The following CRB1 variants were observed in gnomAD, a reference collection of about 807,000 sequenced individuals.
CRB1 encodes the protein crumbs cell polarity complex component 1, also known as protein crumbs homolog 1.
A neutral mutation model predicts 120.0 loss-of-function variants in CRB1; 83 were observed. The ratio of observed to expected loss-of-function variants is 0.69; its 90% CI spans 0.58 to 0.83. The LOEUF is 0.83. Ranked by LOEUF, CRB1 falls within the 40% of genes least tolerant of loss-of-function variation. CRB1 has a pLI of 0.00. For synonymous variants in CRB1, 625 were observed against 612.5 expected (o/e 1.02, Z -0.30); for missense variants, 1,699 against 1,687.6 (o/e 1.01, Z -0.12).
At chr1:197,232,129 T>A in the CRB1 span, among the ~76,000 whole-genome samples, 2 of 152,140 alleles carry the variant, frequency 1.3e-5, no homozygotes, top group Non-Finnish European at 2.9e-5. Context: ...AACTAAGGAA[T>A]GCAGGCAGCC....
At chr1:197,277,647 A>C (rs1655287964) in intron 1 of CRB1, among the ~76,000 whole-genome samples, 1 of 151,982 alleles carries the variant, frequency 6.6e-6, no homozygotes, top group Admixed American at 6.6e-5. Context: ...AATTTTCATT[A>C]TCTATTCTTT....
chr1:197,385,723 C>T (rs1662180152), intron 5 of CRB1, among the ~76,000 whole-genome samples: 1 of 151,976 alleles, frequency 6.6e-6, no homozygotes, highest in African/African-American at 2.4e-5. Context: ...TACTCAGAGG[C>T]ATTGGCAGGT....
At chr1:197,390,114 G>T (rs773359573) in intron 5 of CRB1, among the ~76,000 whole-genome samples, 6 of 127,754 alleles carry the variant, frequency 4.7e-5, no homozygotes, top group Admixed American at 9.7e-5. Flanking sequence ...CTTTAAAAGA[G>T]ATAATGTTAG....
chr1:197,391,134 A>G (rs1662485757), intron 5 of CRB1, among the ~76,000 whole-genome samples: 1 of 152,150 alleles, frequency 6.6e-6, no homozygotes, highest in South Asian at 2.1e-4. Context: ...CTTTTATGGC[A>G]TATTAGAAGC....
At chr1:197,382,141 G>A (rs1661989086) in intron 5 of CRB1, among the ~76,000 whole-genome samples, 1 of 152,090 alleles carries the variant, frequency 6.6e-6, no homozygotes, top group Non-Finnish European at 1.5e-5. Context: ...ATTATCTGTG[G>A]CCCTATATTT....
chr1:197,428,033 C>T (rs754455727), intron 7 of CRB1, 32 bp downstream of exon 7: 2 of 1,579,768 alleles, frequency 1.3e-6, no homozygotes, highest in Admixed American at 3.3e-5. Flanking sequence ...TAGGTATATA[C>T]TGTATGCTAA....
At chr1:197,275,184 C>A (rs1655133526) in intron 1 of CRB1, among the ~76,000 whole-genome samples, 1 of 152,014 alleles carries the variant, frequency 6.6e-6, no homozygotes, top group African/African-American at 2.4e-5. Flanking sequence ...AGTAGATTCA[C>A]CCTAATGACC....
At chr1:197,391,629 C>T (rs962242778) in intron 5 of CRB1, among the ~76,000 whole-genome samples, 5 of 151,992 alleles carry the variant, frequency 3.3e-5, no homozygotes, top group African/African-American at 1.2e-4. Flanking sequence ...ATAGTTGCAT[C>T]CTGGAACTTT....
Position 197,477,705 on chromosome 1 carries a change from C to A in CRB1, c.4047C>A (p.Gly1349=), listed in dbSNP as rs1339702153. The A allele has an allele frequency of 1.2e-6, 2 of 1,613,766 alleles. No homozygotes were observed. Among genetic ancestry groups the A allele is most frequent in the Admixed American group, 3.3e-5 (2 of 59,968 alleles). ...TCTCCGACATTTTCACCACTATTGG[C>A]TCAGTGACTGTCGCCTTGTTACTGA... ...DLISDIFTTI[G]SVTVALLLIL... Residue 1349 remains glycine, a synonymous_variant, in exon 12 of 12, where the codon GGC becomes GGA. Coordinates refer to ENST00000367400, the MANE Select transcript of CRB1 (RefSeq NM_201253.3).
intron 11 of CRB1, among the ~76,000 whole-genome samples, chr1:197,448,897 G>T (rs2125525611): frequency 6.6e-6 from 1 of 152,312 alleles, no homozygotes; most frequent in Middle Eastern, 3.4e-3. Flanking sequence ...GTCTGTAAAA[G>T]AATGATCACT....
chr1:197,323,556 A>G (rs1658323726), intron 1 of CRB1, among the ~76,000 whole-genome samples: 1 of 152,194 alleles, frequency 6.6e-6, no homozygotes, highest in Non-Finnish European at 1.5e-5. Flanking sequence ...TGATTATAAT[A>G]AGGTCAGTGA....
chr1:197,402,569 C>G lies in CRB1; in HGVS notation c.1172-18431C>G, dbSNP rs556055555. ...GTCTTATTCAACAAGAAAAATAGGT[C>G]AGCTGTCTTTTATTGTTAATCCACT... On this transcript the variant is annotated intron_variant, in intron 5 of 11. Transcript: ENST00000367400. Among the ~76,000 whole-genome samples the G allele has an allele frequency of 1.3e-3, 191 of 152,278 alleles. 1 individual carries two copies. The highest frequency in any genetic ancestry group is 4.5e-3 in the African/African-American group (187 of 41,570).
At chr1:197,255,048 T>G in the CRB1 span, among the ~76,000 whole-genome samples, 1 of 152,124 alleles carries the variant, frequency 6.6e-6, no homozygotes, top group Admixed American at 6.6e-5. Context: ...ATTAAACTTT[T>G]TGGCTGAGGT....
At chr1:197,308,290 G>A (rs1021450203) in intron 1 of CRB1, among the ~76,000 whole-genome samples, 4 of 152,106 alleles carry the variant, frequency 2.6e-5, no homozygotes, top group Non-Finnish European at 4.4e-5. Context: ...CTTGGAGGGG[G>A]GCATGGGCTA....
At chr1:197,345,306 G>T (rs1659701130) in intron 3 of CRB1, among the ~76,000 whole-genome samples, 1 of 152,030 alleles carries the variant, frequency 6.6e-6, no homozygotes, top group Non-Finnish European at 1.5e-5. Context: ...TTACAATAAG[G>T]AGTCTAAAGT....
chr1:197,339,213 G>A (rs1659321734), intron 2 of CRB1, among the ~76,000 whole-genome samples: 1 of 152,152 alleles, frequency 6.6e-6, no homozygotes, highest in Non-Finnish European at 1.5e-5. Flanking sequence ...ACATTGTTAT[G>A]CTTATGTTAT....
chr1:197,291,962 G>A (rs1386488690), intron 1 of CRB1, among the ~76,000 whole-genome samples: 2 of 151,998 alleles, frequency 1.3e-5, no homozygotes, highest in African/African-American at 4.8e-5. Flanking sequence ...ACAAGAGAAA[G>A]CAGGAAAGAT....
intron 1 of CRB1, among the ~76,000 whole-genome samples, chr1:197,310,266 G>A (rs969316677): frequency 6.6e-6 from 1 of 152,112 alleles, no homozygotes; most frequent in African/African-American, 2.4e-5. Flanking sequence ...GCCTCACTGG[G>A]TTGGCAATTT....
At chr1:197,233,694 C>T in the CRB1 span, among the ~76,000 whole-genome samples, 17 of 152,170 alleles carry the variant, frequency 1.1e-4, 1 homozygote, top group South Asian at 3.5e-3. Flanking sequence ...TCCTGCCATA[C>T]TACTAGAATA....
Sources: gnomAD v4.1 joint callset for allele counts (sites outside exome capture counted in the v4.1 genomes callset) on GRCh38, gnomAD v4.1.1 for gene constraint, MANE v1.5 for transcripts, NCBI Gene and HGNC (gene_info 2026-07-23, HGNC 2026-07-21) for gene names.